ATXN10: variants seen among roughly 807,000 people sequenced by gnomAD.
ATXN10 encodes ataxin-10.
In ATXN10, 28 loss-of-function variants were observed where a neutral mutation model predicts 52.9. That is an observed-to-expected ratio of 0.53 (90% CI 0.39 to 0.73). ATXN10 has a LOEUF of 0.73. ATXN10 is among the 30% of genes least tolerant of loss of function. The probability of loss-of-function intolerance (pLI) is 0.00; values close to 1 mark genes in which losing one functional copy is unlikely to be tolerated. For missense variants in ATXN10, 565 were observed against 577.0 expected (o/e 0.98, Z 0.21); for synonymous variants, 226 against 221.5 (o/e 1.02, Z -0.18).
At chr22:45,778,460 G>A (rs765593964) in intron 9 of ATXN10, among the ~76,000 whole-genome samples, 8 of 152,222 alleles carry the variant, frequency 5.3e-5, no homozygotes, top group Non-Finnish European at 1.2e-4. Flanking sequence ...TAAAGCATAA[G>A]TAGAGTACAT....
rs1211983594 is a variant in ATXN10 at position 45,684,141 on chromosome 22, T to G, written c.117-5571T>G. Reference sequence around the variant, plus strand: ...CTAATTAAAACAAGTTTTTTTGTTTTTTTTTTTTTTGTAGAGATAGGGTCT... The same window carrying G: ...CTAATTAAAACAAGTTTTTTTGTTTGTTTTTTTTTTGTAGAGATAGGGTCT... On this transcript the variant is annotated intron_variant, in intron 1 of 11. Coordinates refer to ENST00000252934, the MANE Select transcript of ATXN10 (RefSeq NM_013236.4). This position sits in a 1 kb window ranked among gnomAD's most constrained non-coding sequence, Gnocchi z 4.1. Among the ~76,000 whole-genome samples the G allele has an allele frequency of 2.0e-5, 3 of 151,686 alleles. No homozygotes were observed. Among genetic ancestry groups the G allele is most frequent in the Non-Finnish European group, 2.9e-5 (2 of 67,866 alleles).
rs1601654949 is a variant in ATXN10 at position 45,800,667 on chromosome 22, GC to G, written c.1174-6291del. Reference sequence around the variant, plus strand: ...TGTGTTCATAGCATCTCCATTCATTGCGGATAAAACTGGTATCAACCCAGTG... The same window carrying G: ...TGTGTTCATAGCATCTCCATTCATTGGGATAAAACTGGTATCAACCCAGTG... On this transcript the variant is annotated intron_variant, in intron 9 of 11. Transcript: ENST00000252934. Among the ~76,000 whole-genome samples the G allele has an allele frequency of 2.6e-5, 4 of 152,330 alleles. No homozygotes were observed. The East Asian group carries it at 7.7e-4, about 29-fold the overall frequency.
chr22:45,791,476 G>A (rs1230424880), intron 9 of ATXN10, among the ~76,000 whole-genome samples: 2 of 151,768 alleles, frequency 1.3e-5, no homozygotes, highest in Non-Finnish European at 2.9e-5. Context: ...AAGTTCTCTA[G>A]TTTTCTGATA....
At chr22:45,710,100 C>T (rs894832106) in intron 5 of ATXN10, among the ~76,000 whole-genome samples, 1 of 152,214 alleles carries the variant, frequency 6.6e-6, no homozygotes, top group African/African-American at 2.4e-5. Context: ...TTAAAAATTA[C>T]TGTAGCTGTT....
At chr22:45,674,524 T>C (rs1476374283) in intron 1 of ATXN10, 4 of 152,288 alleles carry the variant, frequency 2.6e-5, no homozygotes, top group Non-Finnish European at 5.9e-5. Context: ...AGACTCCTGC[T>C]CCTCTGAGAG....
chr22:45,765,918 C>T (rs1466218713), intron 9 of ATXN10, among the ~76,000 whole-genome samples: 3 of 151,922 alleles, frequency 2.0e-5, no homozygotes, highest in Non-Finnish European at 4.4e-5. Context: ...GCAGTAATAG[C>T]CAGGAAATTC....
In ATXN10 at chr22:45,772,913, C is replaced by T. The variant is rs1450926355; in HGVS notation, c.1173+32375C>T. The stretch of plus-strand genomic sequence containing the variant: ...TGCATATCACCTATGTACATCCTCC[C>T]GTATACTTCAAACCATCTGTAGACT... On this transcript the variant is annotated intron_variant, in intron 9 of 11. Coordinates refer to ENST00000252934, the MANE Select transcript of ATXN10 (RefSeq NM_013236.4). The surrounding 1 kb of genome is among the most constrained non-coding windows in gnomAD (Gnocchi z 4.1). Among the ~76,000 whole-genome samples, 5 of 152,204 alleles carry T rather than the reference C, an allele frequency of 3.3e-5. No individual in the cohort carries two copies. Among genetic ancestry groups the T allele is most frequent in the African/African-American group, 9.7e-5 (4 of 41,434 alleles).
At chr22:45,803,492 C>T (rs557058419) in intron 9 of ATXN10, among the ~76,000 whole-genome samples, 8 of 152,244 alleles carry the variant, frequency 5.3e-5, no homozygotes, top group African/African-American at 1.4e-4. Context: ...AAACTATGAG[C>T]GTGAAAACCA....
chr22:45,806,327 TA>T (rs1236785360), intron 9 of ATXN10, among the ~76,000 whole-genome samples: 14 of 152,366 alleles, frequency 9.2e-5, no homozygotes, highest in African/African-American at 3.4e-4. Context: ...GATGTCTTTT[TA>T]GTTTATTTGT....
rs746327563 is a variant in ATXN10, at chr22:45,823,247, A to G, written c.1237+16225A>G. The G allele has an allele frequency of 3.1e-4, 141 of 461,516 alleles. No homozygotes were observed. Among genetic ancestry groups the G allele is most frequent in the Non-Finnish European group, 5.8e-4 (130 of 224,686 alleles). The allele number at this position is 461,516 out of a possible 1,614,324, so 28.6% of individuals were successfully genotyped here. On this transcript the variant is annotated intron_variant, in intron 10 of 11. Transcript: ENST00000252934. The surrounding 1 kb of genome is among the most constrained non-coding windows in gnomAD (Gnocchi z 4.9). ...CTGTTCTGACTTCTATGATGTTTTA[A>G]TGAATAAAAATTCCCAATTTTAATG... is the stretch of plus-strand genomic sequence containing the variant.
rs1296317781 is a variant in ATXN10, at chr22:45,843,772, A to C, written c.*101A>C. On this transcript the variant is annotated 3_prime_UTR_variant, in exon 12 of 12. Transcript: ENST00000252934. The surrounding 1 kb of genome is among the most constrained non-coding windows in gnomAD (Gnocchi z 4.5). ...CAAGTGTTTGAAGATTTATAAGTAC[A>C]AATTTGGGAACATACAAATCTTTTA... 14 of 1,189,870 alleles carry C rather than the reference A, an allele frequency of 1.2e-5. No individual in the cohort carries two copies. The highest frequency in any genetic ancestry group is 1.7e-5 in the Non-Finnish European group (14 of 813,368). 73.7% of individuals were successfully genotyped at this position (1,189,870 alleles called of 1,614,324 possible).
At chr22:45,797,085 A>G (rs978267254) in intron 9 of ATXN10, among the ~76,000 whole-genome samples, 3 of 152,380 alleles carry the variant, frequency 2.0e-5, no homozygotes, top group Non-Finnish European at 1.5e-5. Flanking sequence ...AACTGAAACC[A>G]AAACTGACAC....
intron 9 of ATXN10, among the ~76,000 whole-genome samples, chr22:45,741,274 G>A (rs1210630603): frequency 5.3e-5 from 8 of 152,190 alleles, no homozygotes; most frequent in Non-Finnish European, 8.8e-5. Flanking sequence ...GTCGAGGGTT[G>A]GCATCTATTT....
rs1261320581 is a variant in ATXN10 at position 45,750,751 on chromosome 22, A to G, written c.1173+10213A>G. ...TTAGTGGAGGCAGACATAGTTTCCA[A>G]ACAGACCCAGGAGAAGTTATACGAA... On this transcript the variant is annotated intron_variant, in intron 9 of 11. Coordinates refer to ENST00000252934, the MANE Select transcript of ATXN10 (RefSeq NM_013236.4). This position sits in a 1 kb window ranked among gnomAD's most constrained non-coding sequence, Gnocchi z 4.2. 6.6e-6 allele frequency among the ~76,000 whole-genome samples: 1 copy of G among 152,200 alleles called. No homozygotes were observed. Among genetic ancestry groups the G allele is most frequent in the East Asian group, 1.9e-4 (1 of 5,192 alleles).
intron 5 of ATXN10, chr22:45,704,159 T>C (rs1249087391): frequency 1.3e-5 from 2 of 151,966 alleles, no homozygotes; most frequent in African/African-American, 2.4e-5. Context: ...TTTTCTCTCT[T>C]TGCCAGTACT....
In ATXN10 at chr22:45,833,736, T is replaced by C. The variant is rs1468191539; in HGVS notation, c.1238-9255T>C. ...ATTTCATGTATCACAAAACCTACCG[T>C]TCCTTGTACTGGTTTGTAGGCATAG... On this transcript the variant is annotated intron_variant, in intron 10 of 11. Transcript: ENST00000252934. The surrounding 1 kb of genome is among the most constrained non-coding windows in gnomAD (Gnocchi z 4.3). Among the ~76,000 whole-genome samples, 3 of 152,182 alleles carry C rather than the reference T, an allele frequency of 2.0e-5. No homozygotes were observed. Among genetic ancestry groups the C allele is most frequent in the Non-Finnish European group, 2.9e-5 (2 of 68,026 alleles).
chr22:45,741,486 A>G (rs1366911810), intron 9 of ATXN10, among the ~76,000 whole-genome samples: 3 of 152,190 alleles, frequency 2.0e-5, no homozygotes, highest in Non-Finnish European at 2.9e-5. Context: ...AAAGCCCTGG[A>G]AGATAAGATA....
intron 7 of ATXN10, among the ~76,000 whole-genome samples, chr22:45,731,561 C>T (rs868198011): frequency 6.6e-6 from 1 of 152,052 alleles, no homozygotes; most frequent in South Asian, 2.1e-4. Context: ...GTAATTGATG[C>T]TGGAATCACT....
At position 45,843,763 on chromosome 22, in the gene ATXN10, T is replaced by C; in HGVS notation, c.*92T>C. 1 of 1,282,068 alleles carries C rather than the reference T, an allele frequency of 7.8e-7. No individual in the cohort carries two copies. The highest frequency in any genetic ancestry group is 2.4e-5 in the East Asian group (1 of 42,522). 79.4% of individuals were successfully genotyped at this position (1,282,068 alleles called of 1,614,324 possible). A position where few individuals can be genotyped will look rare whatever the true frequency, so the allele number is the denominator to read the frequency against. On this transcript the variant is annotated 3_prime_UTR_variant, in exon 12 of 12. Transcript: ENST00000252934. This position sits in a 1 kb window ranked among gnomAD's most constrained non-coding sequence, Gnocchi z 4.5. Reference sequence around the variant, plus strand: ...GTGAAATTGCAAGTGTTTGAAGATTTATAAGTACAAATTTGGGAACATACA... The same window carrying C: ...GTGAAATTGCAAGTGTTTGAAGATTCATAAGTACAAATTTGGGAACATACA...
Sources: gnomAD v4.1 joint callset for allele counts (sites outside exome capture counted in the v4.1 genomes callset) on GRCh38, gnomAD v4.1.1 for gene constraint, Gnocchi (gnomAD v3.1) non-coding constraint, MANE v1.5 for transcripts, NCBI Gene and HGNC (gene_info 2026-07-23, HGNC 2026-07-21) for gene names.